PALM2AKAP2: variants seen among roughly 807,000 people sequenced by gnomAD.
PALM2AKAP2 encodes the protein PALM2 and AKAP2 fusion, also known as PALM2-AKAP2 fusion protein.
PALM2AKAP2 carries 37 observed loss-of-function variants against 71.5 expected under a neutral mutation model. The ratio of observed to expected loss-of-function variants is 0.52; its 90% CI spans 0.40 to 0.68. PALM2AKAP2 has a LOEUF of 0.68. Ranked by LOEUF, PALM2AKAP2 falls within the 30% of genes least tolerant of loss-of-function variation. PALM2AKAP2 has a pLI of 0.00. For synonymous variants in PALM2AKAP2, 468 were observed against 478.8 expected, an observed-to-expected ratio of 0.98 and a Z score of 0.29; for missense variants, 1,224 against 1,191.8, an observed-to-expected ratio of 1.03 and a Z score of -0.40.
chr9:109,761,894 T>C (rs904971910), intron 1 of PALM2AKAP2, among the ~76,000 whole-genome samples: 2 of 152,174 alleles, frequency 1.3e-5, no homozygotes, highest in Non-Finnish European at 2.9e-5. Flanking sequence ...TACCCAGTAA[T>C]GAGATAGAAG....
In PALM2AKAP2 at chr9:109,833,022, A is replaced by T. The variant is rs1015338428; in HGVS notation, c.46-34469A>T. On this transcript the variant is annotated intron_variant, in intron 1 of 9. Coordinates refer to the PALM2AKAP2 transcript ENST00000302798. Reference sequence around the variant, plus strand: ...CTCATGCGAGAGCTGTTGCCCAGCTAGTCCATCCCACTGAGGACAAACTCT... The same window carrying T: ...CTCATGCGAGAGCTGTTGCCCAGCTTGTCCATCCCACTGAGGACAAACTCT... Among the ~76,000 whole-genome samples, 5 of 152,288 alleles carry T rather than the reference A, an allele frequency of 3.3e-5. No homozygotes were observed. In the South Asian group the frequency reaches 6.2e-4, roughly 19 times the overall value.
At chr9:109,985,167 C>T (rs748718797) in intron 6 of PALM2AKAP2, among the ~76,000 whole-genome samples, 32 of 151,996 alleles carry the variant, frequency 2.1e-4, no homozygotes, top group Non-Finnish European at 3.5e-4. Flanking sequence ...CAGAGCAAGA[C>T]TCCGTCTCAA....
At chr9:109,992,788 G>A (rs1478109846) in intron 6 of PALM2AKAP2, among the ~76,000 whole-genome samples, 3 of 151,974 alleles carry the variant, frequency 2.0e-5, no homozygotes, top group Non-Finnish European at 4.4e-5. Flanking sequence ...CTAATGCTAT[G>A]AGTCCTGTAG....
At chr9:110,039,237 A>C (rs1833471849) in intron 7 of PALM2AKAP2, among the ~76,000 whole-genome samples, 1 of 152,214 alleles carries the variant, frequency 6.6e-6, no homozygotes, top group African/African-American at 2.4e-5. Flanking sequence ...TGACAGAGTG[A>C]GACCCTCTCT....
At chr9:110,044,842 C>A (rs1449662539), upstream of PALM2AKAP2, among the ~76,000 whole-genome samples, 1 of 152,070 alleles carries the variant, frequency 6.6e-6, no homozygotes, top group East Asian at 1.9e-4. Context: ...CAGATCAGTT[C>A]TCTGAGACAC....
At chr9:109,669,790 G>A (rs188756166) in intron 1 of PALM2AKAP2, among the ~76,000 whole-genome samples, 80 of 151,818 alleles carry the variant, frequency 5.3e-4, no homozygotes, top group Admixed American at 5.2e-3. Context: ...CTATACTGAT[G>A]CCCCCTTTCA....
chr9:109,817,174 G>T lies in PALM2AKAP2; in HGVS notation c.45+36641G>T, dbSNP rs918626926. Among the ~76,000 whole-genome samples, 4 of 152,286 alleles carry T rather than the reference G, an allele frequency of 2.6e-5. No individual in the cohort carries two copies. The Middle Eastern group carries it at 0.01, about 388-fold the overall frequency. On this transcript the variant is annotated intron_variant, in intron 1 of 9. Transcript: ENST00000302798. ...AAGTCTATTGGTTAATGTCTAGATT[G>T]CCGTGCCCACTTAAAATGGGAAAAC...
In PALM2AKAP2 at chr9:109,684,549, C is replaced by T. The variant is rs191631255; in HGVS notation, c.5+43683C>T. ...TCTATCCAAGGTGAATTACCAACTT[C>T]AAGAAAATTTCTAATCCATCACAGC... On this transcript the variant is annotated intron_variant, in intron 1 of 6. Coordinates refer to the PALM2AKAP2 transcript ENST00000374531. Among the ~76,000 whole-genome samples, 179 of 152,198 alleles carry T rather than the reference C, an allele frequency of 1.2e-3. 1 individual carries two copies. Among genetic ancestry groups the T allele is most frequent in the African/African-American group, 4.0e-3 (168 of 41,518 alleles).
At chr9:110,064,801 C>T (rs187818786) in intron 1 of PALM2AKAP2, among the ~76,000 whole-genome samples, 23 of 152,272 alleles carry the variant, frequency 1.5e-4, no homozygotes, top group South Asian at 4.1e-4. Flanking sequence ...TTTGGGACCT[C>T]GGTGGCCCCG....
chr9:110,162,169 GCATGATC>G, intron 3 of PALM2AKAP2, 37 bp downstream of exon 10: 2 of 1,611,282 alleles, frequency 1.2e-6, no homozygotes, highest in East Asian at 4.5e-5. Context: ...CTTACTGAAT[GCATGATC>G]CAGGTGCATG....
chr9:110,115,201 G>T (rs1363246119), intron 1 of PALM2AKAP2, among the ~76,000 whole-genome samples: 1 of 152,232 alleles, frequency 6.6e-6, no homozygotes, highest in Non-Finnish European at 1.5e-5. Context: ...CTGGTCCAGG[G>T]TGGGCTTGGG....
intron 1 of PALM2AKAP2, among the ~76,000 whole-genome samples, chr9:109,755,886 T>C (rs1348131537): frequency 1.3e-5 from 2 of 152,122 alleles, no homozygotes; most frequent in Non-Finnish European, 2.9e-5. Flanking sequence ...CAATACATAC[T>C]TGGTGAAAAA....
intron 2 of PALM2AKAP2, among the ~76,000 whole-genome samples, chr9:109,873,778 T>C (rs115533810): frequency 6.6e-6 from 1 of 152,210 alleles, no homozygotes; most frequent in African/African-American, 2.4e-5. Flanking sequence ...CTCATTCACC[T>C]CCTACTTCCC....
At chr9:109,975,933 C>T (rs1423086514) in intron 6 of PALM2AKAP2, among the ~76,000 whole-genome samples, 1 of 152,204 alleles carries the variant, frequency 6.6e-6, no homozygotes, top group Non-Finnish European at 1.5e-5. Context: ...CCTCAATAAT[C>T]AGGATAAATC....
intron 1 of PALM2AKAP2, among the ~76,000 whole-genome samples, chr9:110,094,749 A>G (rs1834797166): frequency 6.6e-6 from 1 of 152,216 alleles, no homozygotes; most frequent in Non-Finnish European, 1.5e-5. Flanking sequence ...ACAATTCGAC[A>G]TGAGATTTGG....
At chr9:109,702,447 A>C (rs1828076006) in intron 1 of PALM2AKAP2, among the ~76,000 whole-genome samples, 1 of 152,214 alleles carries the variant, frequency 6.6e-6, no homozygotes, top group South Asian at 2.1e-4. Flanking sequence ...TTGTAGGGAC[A>C]TGGATGAAGC....
intron 1 of PALM2AKAP2, among the ~76,000 whole-genome samples, chr9:109,794,109 A>AT (rs1827185986): frequency 6.6e-6 from 1 of 152,208 alleles, no homozygotes; most frequent in African/African-American, 2.4e-5. Context: ...CCAGAACAAT[A>AT]AAGCATCTCA....
At chr9:109,803,763 C>T (rs1827499382) in intron 1 of PALM2AKAP2, among the ~76,000 whole-genome samples, 7 of 152,222 alleles carry the variant, frequency 4.6e-5, no homozygotes. Flanking sequence ...CCCTAGTAGA[C>T]ACCTTGGGAA....
chr9:109,917,484 C>CTTTTTTT (rs59106508), intron 3 of PALM2AKAP2, among the ~76,000 whole-genome samples: 6 of 111,438 alleles, frequency 5.4e-5, no homozygotes, highest in East Asian at 2.7e-4. Flanking sequence ...CGCTCCTTTC[C>CTTTTTTT]TTTTTTTTTT....
Sources: allele counts gnomAD v4.1 joint callset (sites outside exome capture counted in the v4.1 genomes callset), GRCh38; gene constraint gnomAD v4.1.1; transcripts MANE v1.5; gene names NCBI Gene and HGNC (gene_info 2026-07-23, HGNC 2026-07-21).